Variants in AFDN observed in about 807,000 individuals in gnomAD.
The protein encoded by AFDN is afadin.
Under a neutral mutation model 216.6 loss-of-function variants are expected in AFDN, and 68 were observed. The observed-to-expected ratio is 0.31, with a 90% CI of 0.26 to 0.38. The LOEUF is 0.38. AFDN is among the 10% of genes least tolerant of loss of function. The pLI, the probability that AFDN is intolerant of heterozygous loss-of-function variation, is 1.00. For missense variants in AFDN, 2,136 were observed against 2,342.0 expected, an observed-to-expected ratio of 0.91 and a Z score of 1.82; for synonymous variants, 868 against 853.7, an observed-to-expected ratio of 1.02 and a Z score of -0.29.
chr6:167,840,188 T>G (rs1780906754), intron 1 of AFDN, among the ~76,000 whole-genome samples: 1 of 152,152 alleles, frequency 6.6e-6, no homozygotes, highest in Non-Finnish European at 1.5e-5. Context: ...TCCTGAAAAA[T>G]TTGTAGGAAA....
chr6:167,926,144 T>G (rs1192941033), intron 23 of AFDN, among the ~76,000 whole-genome samples: 2 of 152,258 alleles, frequency 1.3e-5, no homozygotes, highest in Non-Finnish European at 2.9e-5. Context: ...ATAAATGGAC[T>G]GTCATTTGAA....
intron 21 of AFDN, among the ~76,000 whole-genome samples, chr6:167,921,161 T>C (rs1387589078): frequency 6.6e-6 from 1 of 152,246 alleles, no homozygotes; most frequent in Admixed American, 6.5e-5. Flanking sequence ...ATTTTGCAAA[T>C]GCGTATAGTT....
At chr6:167,942,155 T>C (rs1794768386) in intron 23 of AFDN, among the ~76,000 whole-genome samples, 1 of 152,204 alleles carries the variant, frequency 6.6e-6, no homozygotes, top group South Asian at 2.1e-4. Context: ...TCAGGCTGTC[T>C]TCTGTAAACT....
chr6:167,904,148 T>C (rs1789342831), intron 12 of AFDN, among the ~76,000 whole-genome samples: 1 of 152,162 alleles, frequency 6.6e-6, no homozygotes. Context: ...TACCATCTAA[T>C]GTTAATTATC....
At position 167,952,180 on chromosome 6, in the gene AFDN, G is replaced by C; in HGVS notation, c.4826G>C (p.Arg1609Thr). 6.2e-7 allele frequency: 1 copy of C among 1,614,136 alleles called. No homozygotes were observed. The highest frequency in any genetic ancestry group is 8.5e-7 in the Non-Finnish European group (1 of 1,179,992). Reference sequence around the variant, plus strand: ...ATGCAGCGCCTGGAGGCTGAACGAAGAGCGAGGGTAAAGGGGGGAGTGCTT... The same window carrying C: ...ATGCAGCGCCTGGAGGCTGAACGAACAGCGAGGGTAAAGGGGGGAGTGCTT... ...LIMQRLEAER[R>T]ARLQDEERRR... Residue 1609 changes from arginine (R) to threonine (T), a missense_variant, in exon 30 of 34, where the codon AGA becomes ACA. Transcript: ENST00000683244.
chr6:167,940,206 CAG>C (rs144184181), intron 23 of AFDN, among the ~76,000 whole-genome samples: 2,902 of 151,626 alleles, frequency 0.019, 51 homozygotes, highest in Non-Finnish European at 0.032. Flanking sequence ...TGGACAGACA[CAG>C]AGAGATGTAG....
chr6:167,871,305 A>G (rs953948842), intron 3 of AFDN, among the ~76,000 whole-genome samples: 1 of 152,178 alleles, frequency 6.6e-6, no homozygotes, highest in Non-Finnish European at 1.5e-5. Flanking sequence ...TTAAGAATGC[A>G]TGTCCATTGT....
chr6:167,873,996 G>C (rs149058928), intron 4 of AFDN, among the ~76,000 whole-genome samples: 1,690 of 152,286 alleles, frequency 0.011, 39 homozygotes, highest in African/African-American at 0.039. Flanking sequence ...CTTGAGTCTA[G>C]TATTACATAA....
upstream of AFDN, chr6:167,826,845 G>C (rs1469868896): frequency 6.9e-6 from 1 of 145,534 alleles, no homozygotes; most frequent in East Asian, 2.0e-4. Flanking sequence ...CGCACGGCGG[G>C]CGGCGGCGCG....
At chr6:167,943,087 A>C (rs750135647) in intron 23 of AFDN, 42 bp from the exon 24 acceptor site, 30 of 1,545,776 alleles carry the variant, frequency 1.9e-5, no homozygotes, top group Admixed American at 8.6e-5. Context: ...ATTTCTTACA[A>C]TATATCTTCA....
intron 6 of AFDN, among the ~76,000 whole-genome samples, chr6:167,884,599 T>C (rs781695320): frequency 6.6e-6 from 1 of 152,192 alleles, no homozygotes; most frequent in Non-Finnish European, 1.5e-5. Context: ...CTTATTTTTT[T>C]TTCTTCTTTC....
intron 22 of AFDN, among the ~76,000 whole-genome samples, chr6:167,924,754 C>G (rs544063615): frequency 1.8e-4 from 28 of 152,286 alleles, no homozygotes; most frequent in Admixed American, 3.9e-4. Flanking sequence ...CTAAGTTCTT[C>G]AAATCAATTT....
At chr6:167,914,072 C>A in intron 16 of AFDN, 96 bp from the exon 17 acceptor site, 1 of 1,336,904 alleles carries the variant, frequency 7.5e-7, no homozygotes, top group Non-Finnish European at 1.0e-6. Context: ...TGGGAAGGTA[C>A]TGGTCTATCT....
Position 167,965,906 on chromosome 6 carries a change from CGCGCCCG to C in AFDN, c.5125_5131del (p.Gly1709LeufsTer41). On this transcript the variant is annotated frameshift_variant, in exon 32 of 34. Transcript: ENST00000683244. LOFTEE classifies it high-confidence loss of function. ...ACTACGAGCCCCCGTCCCCGTCCCCCGCGCCCGGCGCCCCTCCTCCCCCGCCTCAGCG... is the reference window on the plus strand; with the variant it reads ...ACTACGAGCCCCCGTCCCCGTCCCCCGCGCCCCTCCTCCCCCGCCTCAGCG... 6.5e-7 allele frequency: 1 copy of C among 1,549,732 alleles called. No homozygotes were observed. Among genetic ancestry groups the C allele is most frequent in the Non-Finnish European group, 8.7e-7 (1 of 1,146,598 alleles).
chr6:167,872,177 A>G (rs769693675), intron 3 of AFDN, 37 bp from the exon 4 acceptor site: 32 of 1,585,612 alleles, frequency 2.0e-5, no homozygotes, highest in East Asian at 1.3e-4. Context: ...GTGATTCTGC[A>G]TAGTAGTCAA....
At chr6:167,957,592 A>T (rs1796647344) in intron 30 of AFDN, among the ~76,000 whole-genome samples, 1 of 152,180 alleles carries the variant, frequency 6.6e-6, no homozygotes, top group African/African-American at 2.4e-5. Context: ...GATGAAGCCC[A>T]TTGTGTCGTT....
rs78555804 is a variant in AFDN at position 167,913,075 on chromosome 6, G to A, written c.2038-328G>A. On this transcript the variant is annotated intron_variant, in intron 15 of 33. Transcript: ENST00000683244. The stretch of plus-strand genomic sequence containing the variant: ...CACACCATATCACTGAAAGATGTTC[G>A]TTCACAAGTCCTTCCATTGTAAATC... 7.0e-3 allele frequency among the ~76,000 whole-genome samples: 1,069 copies of A among 152,190 alleles called. 16 individuals are homozygous for A. The highest frequency in any genetic ancestry group is 0.024 in the African/African-American group (1,015 of 41,516).
chr6:167,896,809 T>G, intron 9 of AFDN, 69 bp from the exon 10 acceptor site: 1 of 929,474 alleles, frequency 1.1e-6, no homozygotes, highest in Admixed American at 2.0e-5. Context: ...TAACCTTTTG[T>G]TTGTTGGAAA....
At chr6:167,830,733 A>G (rs1415073431) in intron 1 of AFDN, among the ~76,000 whole-genome samples, 1 of 152,180 alleles carries the variant, frequency 6.6e-6, no homozygotes, top group Non-Finnish European at 1.5e-5. Flanking sequence ...ATTACATTTT[A>G]ATACTCTGAT....
Sources: gnomAD v4.1 joint callset for allele counts (sites outside exome capture counted in the v4.1 genomes callset) on GRCh38, gnomAD v4.1.1 for gene constraint, MANE v1.5 for transcripts, NCBI Gene and HGNC (gene_info 2026-07-23, HGNC 2026-07-21) for gene names.